The following XIST variants were observed in gnomAD, a reference collection of about 807,000 sequenced individuals.
XIST encodes X inactive specific transcript, also known as X inactive specific transcript (non-protein coding).
intron 1 of XIST, among the ~76,000 whole-genome samples, chrX:73,840,886 G>A (rs1039347660): frequency 9.0e-6 from 1 of 111,341 alleles, no homozygotes; most frequent in Admixed American, 9.6e-5. Context: ...TAAACCAACT[G>A]GACTATCCAG....
exon 1 of XIST, chrX:73,851,738 CCTG>C (rs1202575987): frequency 7.2e-6 from 4 of 557,240 alleles, no homozygotes; most frequent in African/African-American, 2.2e-5. Context: ...CTCTGCCTGA[CCTG>C]CTATCATCCA....
chrX:73,824,764 C>T (rs760535264), exon 6 of XIST: 3 of 558,829 alleles, frequency 5.4e-6, no homozygotes, highest in Admixed American at 4.4e-5. Flanking sequence ...TTTCCTCATA[C>T]TAGCTCTTTC....
At chrX:73,825,494 G>C in exon 6 of XIST, 1 of 517,229 alleles carries the variant, frequency 1.9e-6, no homozygotes, top group Non-Finnish European at 3.5e-6. Flanking sequence ...TTAGTGCCTA[G>C]CACAGGGACA....
At chrX:73,845,307 A>T (rs754012011) in exon 1 of XIST, 8 of 553,235 alleles carry the variant, frequency 1.4e-5, no homozygotes, top group Non-Finnish European at 2.6e-5. Flanking sequence ...GGCCAGGAAA[A>T]GGGGCCTTGG....
At chrX:73,823,737 C>G (rs1922183977) in exon 6 of XIST, 1 of 556,796 alleles carries the variant, frequency 1.8e-6, no homozygotes, top group Admixed American at 2.2e-5. Flanking sequence ...GACTTTATCT[C>G]TCTACTCAGC....
intron 1 of XIST, among the ~76,000 whole-genome samples, chrX:73,840,695 G>A (rs1682392942): frequency 9.0e-6 from 1 of 111,243 alleles, no homozygotes; most frequent in Non-Finnish European, 1.9e-5. Context: ...TAAAATTGTG[G>A]AAGGAGCCGA....
chrX:73,849,999 A>T (rs371965637), exon 1 of XIST: 19 of 555,995 alleles, frequency 3.4e-5, no homozygotes, highest in Non-Finnish European at 6.2e-5. Flanking sequence ...CTCCAATATA[A>T]TAAGTCTGAA....
chrX:73,824,391 A>T (rs1233826511), exon 6 of XIST: 1 of 549,494 alleles, frequency 1.8e-6, no homozygotes, highest in Admixed American at 2.3e-5. Context: ...CAACAGTTAC[A>T]TTTATATGGT....
chrX:73,822,807 T>C (rs758930141), exon 6 of XIST: 2 of 556,722 alleles, frequency 3.6e-6, no homozygotes, highest in East Asian at 3.3e-5. Context: ...CCCTCTCTTA[T>C]TCCCACTCTA....
chrX:73,829,607 A>G (rs1172920321), intron 4 of XIST: 2 of 120,476 alleles, frequency 1.7e-5, no homozygotes, highest in African/African-American at 6.6e-5. Context: ...CCTGACCAAC[A>G]TGGAGAAACA....
chrX:73,828,046 G>C (rs1205869403), intron 5 of XIST: 2 of 458,104 alleles, frequency 4.4e-6, no homozygotes, highest in Admixed American at 3.7e-5. Flanking sequence ...GAAGAGGCAA[G>C]ATACAGTGAG....
At chrX:73,826,840 G>A (rs1922266053) in exon 6 of XIST, 1 of 556,382 alleles carries the variant, frequency 1.8e-6, no homozygotes, top group Non-Finnish European at 3.2e-6. Flanking sequence ...CTAATCTTAG[G>A]TCGTTGGCCT....
chrX:73,821,263 T>C (rs1922109050), exon 6 of XIST: 3 of 556,555 alleles, frequency 5.4e-6, no homozygotes, highest in Non-Finnish European at 9.7e-6. Flanking sequence ...CTTTGACATT[T>C]ATCTATTTCC....
rs36033063 is a variant in XIST, at chrX:73,852,105, TAA to T, written n.617_618del. On this transcript the variant is annotated non_coding_transcript_exon_variant, in exon 1 of 6. Coordinates refer to ENST00000429829, the Ensembl canonical transcript of XIST. The stretch of plus-strand genomic sequence containing the variant: ...CGAGGCCCCGATGGGCAAGGAAAAA[TAA>T]AAAAAAAAAAAGCAGGTATCCGAAG... 1.6e-4 allele frequency: 70 copies of T among 430,076 alleles called. No individual in the cohort carries two copies. Among genetic ancestry groups the T allele is most frequent in the Admixed American group, 7.7e-4 (21 of 27,401 alleles). 35.4% of individuals were successfully genotyped at this position (430,076 alleles called of 1,213,427 possible). A position where few individuals can be genotyped will look rare whatever the true frequency, so the allele number is the denominator to read the frequency against.
exon 1 of XIST, chrX:73,851,543 A>G: frequency 1.8e-6 from 1 of 557,574 alleles, no homozygotes; most frequent in South Asian, 2.2e-5. Context: ...GCAATGCCGC[A>G]ATGTCAAAAT....
exon 1 of XIST, chrX:73,852,504 A>G (rs1174424589): frequency 1.8e-6 from 1 of 543,371 alleles, no homozygotes; most frequent in Admixed American, 2.4e-5. Flanking sequence ...AATATTCCAA[A>G]TACTTTCTTT....
At position 73,820,839 on chromosome X, in the gene XIST, A is replaced by T. The variant is rs1280663830; in HGVS notation, n.19062T>A. 3 of 557,289 alleles carry T rather than the reference A, an allele frequency of 5.4e-6. No homozygotes were observed. The East Asian group carries it at 9.8e-5, about 18-fold the overall frequency. 45.9% of individuals were successfully genotyped at this position (557,289 alleles called of 1,213,427 possible). On this transcript the variant is annotated non_coding_transcript_exon_variant, in exon 6 of 6. Coordinates refer to ENST00000429829, the Ensembl canonical transcript of XIST. ...TTTCACATCAGTTCACAAGTTCAAG[A>T]GTCTTCCATTTATCTTAGCTTTTGG...
At chrX:73,824,079 C>A (rs1922194412) in exon 6 of XIST, 1 of 552,088 alleles carries the variant, frequency 1.8e-6, no homozygotes, top group African/African-American at 2.2e-5. Flanking sequence ...AATCAATGAT[C>A]ATTCAGCAGA....
exon 6 of XIST, chrX:73,824,428 T>C (rs1922202798): frequency 1.8e-6 from 1 of 556,117 alleles, no homozygotes; most frequent in Non-Finnish European, 3.3e-6. Flanking sequence ...AATGCTAACA[T>C]AGGTATTGCC....
Sources: gnomAD v4.1 joint callset for allele counts (sites outside exome capture counted in the v4.1 genomes callset) on GRCh38, gnomAD v4.1.1 for gene constraint, MANE v1.5 for transcripts, NCBI Gene and HGNC (gene_info 2026-07-23, HGNC 2026-07-21) for gene names.